DAB1: variants seen among roughly 807,000 people sequenced by gnomAD.
The protein encoded by DAB1 is disabled homolog 1.
DAB1 carries 15 observed loss-of-function variants against 64.6 expected under a neutral mutation model. The ratio of observed to expected loss-of-function variants is 0.23; its 90% CI spans 0.16 to 0.36. The LOEUF is 0.36. Among genes scored for constraint, DAB1 ranks in the 10% least tolerant of loss-of-function variants. DAB1 has a pLI of 1.00. For missense variants in DAB1, 596 were observed against 706.7 expected (o/e 0.84, Z 1.78); for synonymous variants, 235 against 251.9 (o/e 0.93, Z 0.64).
chr1:57,181,010 C>T (rs932673822), intron 2 of DAB1, among the ~76,000 whole-genome samples: 1 of 152,212 alleles, frequency 6.6e-6, no homozygotes, highest in Non-Finnish European at 1.5e-5. Flanking sequence ...CTACTCACTA[C>T]AGCTAATAGC....
chr1:57,356,806 T>C (rs1338275178), intron 1 of DAB1, among the ~76,000 whole-genome samples: 4 of 152,056 alleles, frequency 2.6e-5, no homozygotes, highest in Non-Finnish European at 5.9e-5. Context: ...CAACTTATAA[T>C]ACTGCTTGGA....
At chr1:58,329,933 T>C (rs1662930403) in intron 4 of DAB1, among the ~76,000 whole-genome samples, 1 of 152,192 alleles carries the variant, frequency 6.6e-6, no homozygotes. Context: ...TTAGGCCAAT[T>C]AATAACCTTA....
At chr1:57,161,903 G>T (rs1316346684) in intron 2 of DAB1, among the ~76,000 whole-genome samples, 1 of 150,264 alleles carries the variant, frequency 6.7e-6, no homozygotes, top group African/African-American at 2.4e-5. Context: ...TTTTTCATCT[G>T]GCAGCGTAAA....
At chr1:57,688,680 G>A (rs1052388620) in intron 6 of DAB1, among the ~76,000 whole-genome samples, 2 of 152,080 alleles carry the variant, frequency 1.3e-5, no homozygotes, top group Non-Finnish European at 2.9e-5. Context: ...GCCCATCAAC[G>A]GTGGATTATA....
At chr1:57,688,897 G>T (rs916068882) in intron 6 of DAB1, among the ~76,000 whole-genome samples, 1 of 152,112 alleles carries the variant, frequency 6.6e-6, no homozygotes, top group Admixed American at 6.6e-5. Context: ...GGGAACAATA[G>T]ACACTGTGGA....
At chr1:58,475,985 A>G (rs1162354129) in intron 3 of DAB1, among the ~76,000 whole-genome samples, 1 of 152,228 alleles carries the variant, frequency 6.6e-6, no homozygotes, top group Non-Finnish European at 1.5e-5. Flanking sequence ...TTTCTAACCT[A>G]TGAAAATATG....
At chr1:58,444,099 T>A (rs917250949) in intron 3 of DAB1, among the ~76,000 whole-genome samples, 3 of 152,244 alleles carry the variant, frequency 2.0e-5, no homozygotes, top group African/African-American at 7.2e-5. Context: ...TTATTCAAAC[T>A]CCAGTATTAA....
intron 2 of DAB1, among the ~76,000 whole-genome samples, chr1:57,215,947 T>A (rs966913370): frequency 1.3e-5 from 2 of 152,164 alleles, no homozygotes; most frequent in Non-Finnish European, 2.9e-5. Context: ...GAGACCCCAC[T>A]GGGATCTGAA....
chr1:57,520,585 T>C (rs1389838722), intron 7 of DAB1, among the ~76,000 whole-genome samples: 1 of 152,164 alleles, frequency 6.6e-6, no homozygotes, highest in Non-Finnish European at 1.5e-5. Flanking sequence ...AGAATCTTAT[T>C]TGAAAAAAAT....
chr1:57,519,444 C>T (rs1040609036), intron 7 of DAB1, among the ~76,000 whole-genome samples: 3 of 152,092 alleles, frequency 2.0e-5, no homozygotes, highest in Admixed American at 6.6e-5. Context: ...TTCCCTCATC[C>T]GATTCTCTCA....
intron 4 of DAB1, among the ~76,000 whole-genome samples, chr1:57,119,383 C>T (rs1006273513): frequency 3.9e-5 from 6 of 151,948 alleles, no homozygotes; most frequent in African/African-American, 1.5e-4. Context: ...TAGTGTCTTT[C>T]CCCCCTCCTC....
chr1:57,596,464 G>T (rs1171345824), intron 7 of DAB1, among the ~76,000 whole-genome samples: 1 of 151,902 alleles, frequency 6.6e-6, no homozygotes, highest in Non-Finnish European at 1.5e-5. Flanking sequence ...GTGTTTAATG[G>T]CTGTCTCTAT....
intron 1 of DAB1, among the ~76,000 whole-genome samples, chr1:57,378,020 T>C (rs554227017): frequency 6.6e-6 from 1 of 152,156 alleles, no homozygotes; most frequent in East Asian, 1.9e-4. Context: ...TCAGCTTCAC[T>C]CATGCCCTAC....
In DAB1 at chr1:57,741,905, G is replaced by C. The variant is rs545896964; in HGVS notation, n.552-92240C>G. Among the ~76,000 whole-genome samples, 4 of 152,272 alleles carry C rather than the reference G, an allele frequency of 2.6e-5. No individual in the cohort carries two copies. The South Asian group carries it at 8.3e-4, about 32-fold the overall frequency. ...TAACCTGTAATAAGATGAGGTAAAGGCAAATAGATTGTAATCACTGTAAAC... is the reference window on the plus strand; with the variant it reads ...TAACCTGTAATAAGATGAGGTAAAGCCAAATAGATTGTAATCACTGTAAAC... On this transcript the variant is annotated intron_variant and non_coding_transcript_variant, in intron 6 of 20. Transcript: ENST00000485760.
intron 1 of DAB1, among the ~76,000 whole-genome samples, chr1:57,364,598 A>G (rs1679817877): frequency 1.3e-5 from 2 of 152,112 alleles, no homozygotes; most frequent in Non-Finnish European, 2.9e-5. Flanking sequence ...GGATAGAAGA[A>G]TATTTGTAGC....
At chr1:57,935,578 C>T (rs1645013404) in intron 5 of DAB1, among the ~76,000 whole-genome samples, 1 of 152,276 alleles carries the variant, frequency 6.6e-6, no homozygotes, top group South Asian at 2.1e-4. Context: ...ATTCTGGATT[C>T]ACCACATTAA....
chr1:58,321,353 A>T (rs954848752), intron 4 of DAB1, among the ~76,000 whole-genome samples: 3 of 152,222 alleles, frequency 2.0e-5, no homozygotes, highest in Non-Finnish European at 4.4e-5. Context: ...TCGACGCAGA[A>T]GATGGTGATT....
At chr1:57,224,581 A>C (rs1349070426) in intron 2 of DAB1, among the ~76,000 whole-genome samples, 1 of 152,208 alleles carries the variant, frequency 6.6e-6, no homozygotes, top group African/African-American at 2.4e-5. Context: ...GTCATATCAA[A>C]GTTTCTGTGT....
intron 1 of DAB1, among the ~76,000 whole-genome samples, chr1:57,392,530 T>C (rs1286256316): frequency 6.6e-6 from 1 of 152,208 alleles, no homozygotes; most frequent in African/African-American, 2.4e-5. Context: ...GACCTCAGTC[T>C]TCACGAGGAA....
Sources: allele counts gnomAD v4.1 joint callset (sites outside exome capture counted in the v4.1 genomes callset), GRCh38; gene constraint gnomAD v4.1.1; transcripts MANE v1.5; gene names NCBI Gene and HGNC (gene_info 2026-07-23, HGNC 2026-07-21).